Variants in STARD13 observed in about 807,000 individuals in gnomAD.
STARD13 encodes the protein StAR related lipid transfer domain containing 13.
Under a neutral mutation model 106.4 loss-of-function variants are expected in STARD13, and 62 were observed. That is an observed-to-expected ratio of 0.58 (90% CI 0.48 to 0.72). The LOEUF (loss-of-function observed/expected upper bound fraction) is 0.72, where lower values mean the gene tolerates loss of function less well. Among genes scored for constraint, STARD13 ranks in the 30% least tolerant of loss-of-function variants. STARD13 has a pLI of 0.00. For synonymous variants in STARD13, 565 were observed against 553.0 expected, an observed-to-expected ratio of 1.02 and a Z score of -0.31; for missense variants, 1,387 against 1,424.0, an observed-to-expected ratio of 0.97 and a Z score of 0.42.
At chr13:33,219,136 A>T (rs545867083) in intron 1 of STARD13, among the ~76,000 whole-genome samples, 1 of 152,324 alleles carries the variant, frequency 6.6e-6, no homozygotes, top group East Asian at 1.9e-4. Flanking sequence ...ATAAATAAAT[A>T]AAAGTAACTT....
rs553346305 is a variant in STARD13, at chr13:33,318,516, AT to A, written c.124+31773del. Among the ~76,000 whole-genome samples, 8 of 152,284 alleles carry A rather than the reference AT, an allele frequency of 5.3e-5. No homozygotes were observed. In the South Asian group the frequency reaches 1.7e-3, roughly 32 times the overall value. On this transcript the variant is annotated intron_variant, in intron 1 of 5. Coordinates refer to the STARD13 transcript ENST00000567873. ...CATTCATGACCTTGGATTAGATGTC[AT>A]TTTTTAGAAATGACATGTAAAGCAA...
the STARD13 span, among the ~76,000 whole-genome samples, chr13:33,583,379 G>A: frequency 6.6e-6 from 1 of 152,146 alleles, no homozygotes; most frequent in South Asian, 2.1e-4. Flanking sequence ...AAGTCTGACT[G>A]ACATACTCAT....
At chr13:33,550,471 C>T in the STARD13 span, among the ~76,000 whole-genome samples, 37 of 152,172 alleles carry the variant, frequency 2.4e-4, no homozygotes, top group Non-Finnish European at 4.0e-4. Context: ...GCAATAATGC[C>T]GAAACAGTGA....
the STARD13 span, among the ~76,000 whole-genome samples, chr13:33,565,165 TA>T: frequency 6.8e-6 from 1 of 146,298 alleles, no homozygotes; most frequent in Admixed American, 7.1e-5. Flanking sequence ...TATGGGAGCT[TA>T]AAAAAACGTG....
At chr13:33,282,901 C>T (rs2138406360) in intron 1 of STARD13, among the ~76,000 whole-genome samples, 1 of 152,104 alleles carries the variant, frequency 6.6e-6, no homozygotes, top group South Asian at 2.1e-4. Flanking sequence ...TGGTGGCACA[C>T]TCCTGTAAGT....
rs1193760951 is a variant in STARD13, at chr13:33,106,777, T to G, written c.3205A>C (p.Ile1069Leu). The G allele has an allele frequency of 1.9e-6, 3 of 1,613,368 alleles. No homozygotes were observed. In the South Asian group the frequency reaches 3.3e-5, roughly 18 times the overall value. ...CGSGKSRLTH[I>L]CRIDLKGHSP... ...ACTTACTTCAGGTCTATCCTGCAGA[T>G]GTGAGTCAGTCTTGACTTGCCAGAG... The change falls in exon 13 of 14, where the codon ATC becomes CTC. Residue 1069 changes from isoleucine (I) to leucine (L), a missense_variant. Ile to Leu is a conservative substitution (Grantham distance 5). Coordinates refer to ENST00000336934, the MANE Select transcript of STARD13 (RefSeq NM_178006.4).
At chr13:33,382,229 G>GTAAATTA in the STARD13 span, among the ~76,000 whole-genome samples, 1 of 152,132 alleles carries the variant, frequency 6.6e-6, no homozygotes, top group African/African-American at 2.4e-5. Flanking sequence ...TTTCTTTCGA[G>GTAAATTA]CAAATTACAT....
intron 1 of STARD13, among the ~76,000 whole-genome samples, chr13:33,338,071 TG>T (rs1052469386): frequency 5.1e-4 from 78 of 152,350 alleles, no homozygotes; most frequent in African/African-American, 1.8e-3. Flanking sequence ...TCTTCAATTC[TG>T]GTAGATGTAG....
At chr13:33,387,907 C>T in the STARD13 span, among the ~76,000 whole-genome samples, 1 of 152,200 alleles carries the variant, frequency 6.6e-6, no homozygotes, top group Non-Finnish European at 1.5e-5. Context: ...CACACACTCT[C>T]CTTAGACCAC....
At chr13:33,185,938 T>A in intron 1 of STARD13, 10 of 1,614,232 alleles carry the variant, frequency 6.2e-6, no homozygotes, top group Non-Finnish European at 7.6e-6. Context: ...ACAGTGTCTT[T>A]GCATTCTCTG....
the STARD13 span, among the ~76,000 whole-genome samples, chr13:33,375,798 G>A: frequency 1.3e-5 from 2 of 152,064 alleles, no homozygotes; most frequent in African/African-American, 2.4e-5. Flanking sequence ...CCAGTCTCAG[G>A]TATGTTTTTA....
At chr13:33,660,514 C>T in the STARD13 span, among the ~76,000 whole-genome samples, 1 of 152,104 alleles carries the variant, frequency 6.6e-6, no homozygotes, top group Non-Finnish European at 1.5e-5. Context: ...TTGATAGTAA[C>T]ATTTGGGGGT....
chr13:33,591,494 A>C, the STARD13 span, among the ~76,000 whole-genome samples: 1 of 152,252 alleles, frequency 6.6e-6, no homozygotes. Context: ...AAAGTTTTCT[A>C]AATTGAAATG....
the STARD13 span, among the ~76,000 whole-genome samples, chr13:33,577,824 A>G: frequency 1.3e-5 from 2 of 152,178 alleles, no homozygotes; most frequent in African/African-American, 4.8e-5. Flanking sequence ...TTTAGATACA[A>G]AGCCAAAGCA....
At chr13:33,109,778 G>A in intron 12 of STARD13, 95 bp downstream of exon 12, 1 of 1,195,244 alleles carries the variant, frequency 8.4e-7, no homozygotes, top group Non-Finnish European at 1.2e-6. Context: ...CGTGGAGGCT[G>A]GACTTTGGTG....
At chr13:33,231,844 G>A (rs962040368) in intron 1 of STARD13, among the ~76,000 whole-genome samples, 1 of 152,072 alleles carries the variant, frequency 6.6e-6, no homozygotes, top group Non-Finnish European at 1.5e-5. Flanking sequence ...AGTATATAGG[G>A]TCATCCCTTG....
chr13:33,370,156 A>G, the STARD13 span, among the ~76,000 whole-genome samples: 1 of 152,194 alleles, frequency 6.6e-6, no homozygotes, highest in African/African-American at 2.4e-5. Flanking sequence ...ATAAGATCAT[A>G]TTTATAAAGT....
In STARD13 at chr13:33,154,783, A is replaced by G. The variant is rs565104327; in HGVS notation, c.323+10554T>C. On this transcript the variant is annotated intron_variant, in intron 3 of 13. Coordinates refer to ENST00000336934, the MANE Select transcript of STARD13 (RefSeq NM_178006.4). ...TGCATCAGATCCAGATAATTTTTCT[A>G]GTGAGAACTGGTCCAGCTTCAAGTG... Among the ~76,000 whole-genome samples the G allele has an allele frequency of 2.0e-5, 3 of 152,242 alleles. No individual in the cohort carries two copies. The East Asian group carries it at 5.8e-4, about 29-fold the overall frequency.
intron 1 of STARD13, among the ~76,000 whole-genome samples, chr13:33,251,829 T>G (rs1164647249): frequency 1.3e-5 from 2 of 152,184 alleles, no homozygotes; most frequent in Admixed American, 1.3e-4. Context: ...ACCACCCTAT[T>G]TAGCTTGTCA....
Sources: allele counts gnomAD v4.1 joint callset (sites outside exome capture counted in the v4.1 genomes callset), GRCh38; gene constraint gnomAD v4.1.1; transcripts MANE v1.5; gene names NCBI Gene and HGNC (gene_info 2026-07-23, HGNC 2026-07-21).